Variants in ABHD18 observed in about 807,000 individuals in gnomAD.
The protein encoded by ABHD18 is abhydrolase domain containing 18.
In ABHD18, 55 loss-of-function variants were observed where a neutral mutation model predicts 65.9. The observed-to-expected ratio is 0.84, with a 90% CI of 0.67 to 1.05. The LOEUF (loss-of-function observed/expected upper bound fraction) is 1.05. ABHD18 is among the 50% of genes least tolerant of loss of function. The probability of loss-of-function intolerance (pLI) is 0.00; values close to 1 mark genes in which losing one functional copy is unlikely to be tolerated. For synonymous variants in ABHD18, 181 were observed against 180.2 expected (o/e 1.00, Z -0.04); for missense variants, 533 against 558.5 (o/e 0.95, Z 0.46).
intron 4 of ABHD18, among the ~76,000 whole-genome samples, chr4:128,008,651 T>G (rs1302810127): frequency 6.6e-6 from 1 of 152,178 alleles, no homozygotes; most frequent in Non-Finnish European, 1.5e-5. Flanking sequence ...ATGTATTTAT[T>G]AAGTTATGAT....
At chr4:128,011,962 T>C (rs1754656634) in intron 7 of ABHD18, among the ~76,000 whole-genome samples, 1 of 151,972 alleles carries the variant, frequency 6.6e-6, no homozygotes, top group African/African-American at 2.4e-5. Context: ...AAACTGTAAA[T>C]GAAGAAATGA....
intron 12 of ABHD18, 97 bp downstream of exon 12, chr4:128,030,769 C>T: frequency 2.0e-6 from 3 of 1,472,120 alleles, no homozygotes; most frequent in Non-Finnish European, 2.7e-6. Context: ...TTTTTATAGT[C>T]TGTTTCAATC....
At chr4:127,979,761 C>A (rs528203736) in intron 1 of ABHD18, among the ~76,000 whole-genome samples, 2 of 151,684 alleles carry the variant, frequency 1.3e-5, no homozygotes, top group African/African-American at 4.8e-5. Flanking sequence ...ACTAAAAATA[C>A]AAAAATTAGC....
chr4:128,035,616 G>T (rs1758805935), intron 12 of ABHD18, 146 bp from the exon 13 acceptor site: 2 of 531,262 alleles, frequency 3.8e-6, no homozygotes, highest in Admixed American at 6.6e-5. Flanking sequence ...CCATTCTGGG[G>T]AGGGTAACTG....
intron 3 of ABHD18, among the ~76,000 whole-genome samples, chr4:127,987,667 G>T (rs1443507862): frequency 6.7e-6 from 1 of 150,278 alleles, no homozygotes; most frequent in Non-Finnish European, 1.5e-5. Flanking sequence ...AGTCGAGATA[G>T]CACTCACTGC....
At chr4:127,985,059 G>A (rs72618810) in intron 3 of ABHD18, among the ~76,000 whole-genome samples, 4,606 of 152,150 alleles carry the variant, frequency 0.03, 303 homozygotes, top group East Asian at 0.27. Context: ...GAACAATAGT[G>A]AGTATTAAAG....
chr4:127,989,921 G>A, intron 4 of ABHD18, 100 bp downstream of exon 4: 1 of 669,640 alleles, frequency 1.5e-6, no homozygotes, highest in Non-Finnish European at 2.4e-6. Context: ...AACAAGGCAG[G>A]CCTAAATTAT....
At chr4:128,001,841 GTTTTGT>G in intron 4 of ABHD18, 4 of 1,243,794 alleles carry the variant, frequency 3.2e-6, no homozygotes, top group Admixed American at 5.5e-5. Flanking sequence ...GTTTTGTTTT[GTTTTGT>G]TTTTTTTTTT....
At chr4:128,012,138 G>A (rs750831629) in intron 7 of ABHD18, among the ~76,000 whole-genome samples, 9 of 151,888 alleles carry the variant, frequency 5.9e-5, no homozygotes, top group Non-Finnish European at 8.8e-5. Flanking sequence ...CACCACACCT[G>A]GCTAATTTTT....
chr4:128,008,824 C>A lies in ABHD18; in HGVS notation c.279-96C>A. The A allele has an allele frequency of 6.3e-6, 5 of 790,298 alleles. No individual in the cohort carries two copies. The South Asian group carries it at 8.2e-5, about 13-fold the overall frequency. 49.0% of individuals were successfully genotyped at this position (790,298 alleles called of 1,614,324 possible). A position where few individuals can be genotyped will look rare whatever the true frequency, so the allele number is the denominator to read the frequency against. ...TAAAATTTCGACTGATCTTTTCTGT[C>A]AGATAATTTAAATGTAAAAGTTTTA... On this transcript the variant is annotated intron_variant, in intron 4 of 12. Transcript: ENST00000645843.
chr4:127,999,269 G>A (rs1224771951), intron 4 of ABHD18, among the ~76,000 whole-genome samples: 2 of 152,078 alleles, frequency 1.3e-5, no homozygotes, highest in Non-Finnish European at 2.9e-5. Flanking sequence ...GGGCGACAGA[G>A]TGAGACTGCA....
intron 10 of ABHD18, among the ~76,000 whole-genome samples, chr4:128,022,090 G>A (rs1359169709): frequency 1.3e-5 from 2 of 152,174 alleles, no homozygotes; most frequent in African/African-American, 4.8e-5. Context: ...GGGGTGGCGG[G>A]CTAGGGGAAG....
chr4:128,001,572 A>C, intron 4 of ABHD18: 1 of 725,922 alleles, frequency 1.4e-6, no homozygotes, highest in Non-Finnish European at 2.1e-6. Flanking sequence ...TGTAGATAGT[A>C]AATTTTCTGA....
At chr4:127,993,407 CAA>C (rs894080292) in intron 4 of ABHD18, among the ~76,000 whole-genome samples, 5 of 152,132 alleles carry the variant, frequency 3.3e-5, no homozygotes, top group African/African-American at 1.2e-4. Context: ...TTTTACAACA[CAA>C]TTAATATTTT....
intron 8 of ABHD18, among the ~76,000 whole-genome samples, chr4:128,019,869 A>G (rs865940261): frequency 2.0e-5 from 3 of 152,200 alleles, no homozygotes; most frequent in African/African-American, 7.2e-5. Context: ...AAAGTTTTGT[A>G]TTACATTTTA....
chr4:127,973,454 A>G (rs1322243679), intron 1 of ABHD18, among the ~76,000 whole-genome samples: 1 of 152,148 alleles, frequency 6.6e-6, no homozygotes, highest in Non-Finnish European at 1.5e-5. Context: ...GTGTCAGCCC[A>G]GATACTCTAC....
chr4:128,020,700 A>T (rs1311506723), intron 9 of ABHD18, among the ~76,000 whole-genome samples: 2 of 152,198 alleles, frequency 1.3e-5, no homozygotes, highest in South Asian at 2.1e-4. Flanking sequence ...TCAAGTTCCC[A>T]GACTCCAGTT....
At chr4:128,011,729 G>A in intron 7 of ABHD18, 29 bp downstream of exon 7, 1 of 1,479,786 alleles carries the variant, frequency 6.8e-7, no homozygotes, top group South Asian at 1.3e-5. Flanking sequence ...CATTTTTGCA[G>A]TCTTTTTACC....
chr4:127,978,459 A>C (rs189068382), intron 1 of ABHD18, among the ~76,000 whole-genome samples: 2 of 152,280 alleles, frequency 1.3e-5, no homozygotes, highest in African/African-American at 4.8e-5. Context: ...GGATTGGTTG[A>C]TTATATAAAC....
Sources: gnomAD v4.1 joint callset for allele counts (sites outside exome capture counted in the v4.1 genomes callset) on GRCh38, gnomAD v4.1.1 for gene constraint, MANE v1.5 for transcripts, NCBI Gene and HGNC (gene_info 2026-07-23, HGNC 2026-07-21) for gene names.